Variants in TIAM2 observed in about 807,000 individuals in gnomAD.
TIAM2 encodes TIAM Rac1 associated GEF 2.
Under a neutral mutation model 152.9 loss-of-function variants are expected in TIAM2, and 80 were observed. The ratio of observed to expected loss-of-function variants is 0.52; its 90% CI spans 0.44 to 0.63. The LOEUF is 0.63. Ranked by LOEUF, TIAM2 falls within the 30% of genes least tolerant of loss-of-function variation. The pLI is 0.00. For missense variants in TIAM2, 1,965 were observed against 2,120.1 expected, an observed-to-expected ratio of 0.93 and a Z score of 1.44; for synonymous variants, 804 against 838.0, an observed-to-expected ratio of 0.96 and a Z score of 0.70.
intron 1 of TIAM2, among the ~76,000 whole-genome samples, chr6:155,079,176 G>C (rs571953400): frequency 2.5e-4 from 38 of 151,914 alleles, no homozygotes; most frequent in African/African-American, 8.7e-4. Flanking sequence ...ATTCTCCCAC[G>C]TCAGCCTCCC....
intron 14 of TIAM2, among the ~76,000 whole-genome samples, chr6:155,198,603 G>T (rs1781402443): frequency 7.0e-6 from 1 of 142,286 alleles, no homozygotes; most frequent in Non-Finnish European, 1.5e-5. Flanking sequence ...CAGAGGTTGT[G>T]GTGAGCCGAG....
rs770289853 is a variant in TIAM2 at position 155,254,620 on chromosome 6, C to T, written c.4468+47C>T. The T allele has an allele frequency of 8.1e-6, 13 of 1,595,562 alleles. 1 individual carries two copies. The Admixed American group carries it at 1.2e-4, about 14-fold the overall frequency. Reference sequence around the variant, plus strand: ...TGTTTATTCAACAAAATATTATGAGCTTCTGAAAAGGATATATGCTCTTGT... The same window carrying T: ...TGTTTATTCAACAAAATATTATGAGTTTCTGAAAAGGATATATGCTCTTGT... On this transcript the variant is annotated intron_variant, in intron 26 of 26. Transcript: ENST00000682666.
At chr6:155,091,280 A>T (rs139048055) in intron 2 of TIAM2, among the ~76,000 whole-genome samples, 2,882 of 152,154 alleles carry the variant, frequency 0.019, 139 homozygotes, top group Admixed American at 0.12. Context: ...TTGCATATTT[A>T]TGTATCGGCT....
intron 2 of TIAM2, among the ~76,000 whole-genome samples, chr6:155,099,521 G>T (rs943904807): frequency 2.6e-5 from 4 of 152,106 alleles, no homozygotes; most frequent in African/African-American, 9.7e-5. Context: ...CGTAGCCATT[G>T]AGTAATTAAT....
chr6:155,203,048 C>CAAAAAAAAAAAAAAAAAAAAA (rs59836931), intron 14 of TIAM2, among the ~76,000 whole-genome samples: 10 of 78,920 alleles, frequency 1.3e-4, no homozygotes, highest in African/African-American at 6.1e-4. Context: ...AACTCTGTCT[C>CAAAAAAAAAAAAAAAAAAAAA]AAAAAAAAAA....
intron 2 of TIAM2, among the ~76,000 whole-genome samples, chr6:155,118,635 G>A (rs995034264): frequency 1.3e-4 from 19 of 151,716 alleles, no homozygotes; most frequent in Admixed American, 2.0e-4. Context: ...GGGTTTCACC[G>A]TGTTGGCCAG....
At chr6:155,193,212 C>G (rs1038266661) in intron 14 of TIAM2, among the ~76,000 whole-genome samples, 1 of 151,892 alleles carries the variant, frequency 6.6e-6, no homozygotes, top group African/African-American at 2.4e-5. Flanking sequence ...TGAGACCAGC[C>G]TGGGCAATGT....
intron 7 of TIAM2, among the ~76,000 whole-genome samples, chr6:155,154,487 C>A (rs1780057678): frequency 6.6e-6 from 1 of 151,394 alleles, no homozygotes. Context: ...TTGAGCATGT[C>A]CAATGTGGAC....
chr6:155,179,265 T>TATA, intron 11 of TIAM2, 113 bp from the exon 12 acceptor site: 2 of 1,422,228 alleles, frequency 1.4e-6, no homozygotes, highest in Non-Finnish European at 2.0e-6. Flanking sequence ...AAACAGTCTC[T>TATA]ATATAAACGG....
chr6:155,179,980 G>A (rs756928165), intron 12 of TIAM2, among the ~76,000 whole-genome samples: 6 of 152,090 alleles, frequency 3.9e-5, no homozygotes, highest in Non-Finnish European at 8.8e-5. Context: ...TCTTCCCTGA[G>A]TTTAACAGTT....
intron 15 of TIAM2, among the ~76,000 whole-genome samples, chr6:155,231,971 C>T (rs926819362): frequency 2.6e-5 from 4 of 152,148 alleles, no homozygotes; most frequent in Admixed American, 1.3e-4. Flanking sequence ...ATCCCAGCTA[C>T]GTGGGAGGCT....
chr6:155,115,435 G>A (rs1489571418), intron 2 of TIAM2, among the ~76,000 whole-genome samples: 4 of 151,820 alleles, frequency 2.6e-5, no homozygotes, highest in African/African-American at 9.7e-5. Flanking sequence ...AACTCCTTGA[G>A]CCCAGGAGTT....
intron 1 of TIAM2, among the ~76,000 whole-genome samples, chr6:155,028,341 ACTGTGT>A (rs1776676607): frequency 7.9e-6 from 1 of 126,698 alleles, no homozygotes; most frequent in East Asian, 2.1e-4. Context: ...TATAATATAT[ACTGTGT>A]TACATATATA....
At chr6:155,148,380 T>A in intron 7 of TIAM2, 46 bp downstream of exon 7, 1 of 1,545,966 alleles carries the variant, frequency 6.5e-7, no homozygotes, top group Non-Finnish European at 8.8e-7. Context: ...CTCATGTCAC[T>A]TGTGCAGTGA....
chr6:155,014,072 C>A (rs1778534159), intron 1 of TIAM2: 1 of 152,064 alleles, frequency 6.6e-6, no homozygotes, highest in Non-Finnish European at 1.5e-5. Flanking sequence ...TTGTTATTTT[C>A]TTTGCTTTCA....
intron 9 of TIAM2, among the ~76,000 whole-genome samples, chr6:155,168,049 G>GA (rs1780489208): frequency 6.6e-6 from 1 of 152,092 alleles, no homozygotes; most frequent in South Asian, 2.1e-4. Context: ...AAAAAGATAT[G>GA]AAACTAATTA....
intron 1 of TIAM2, among the ~76,000 whole-genome samples, chr6:155,087,221 T>G (rs1778190154): frequency 6.6e-6 from 1 of 152,218 alleles, no homozygotes; most frequent in Non-Finnish European, 1.5e-5. Context: ...ACATGGTATT[T>G]GGAATGAACA....
intron 2 of TIAM2, among the ~76,000 whole-genome samples, chr6:155,094,724 G>GTTTTTTTTT (rs200208029): frequency 1.5e-5 from 2 of 136,182 alleles, no homozygotes; most frequent in African/African-American, 5.4e-5. Context: ...TATATCTATG[G>GTTTTTTTTT]TTTTTTTTTT....
chr6:155,137,009 A>C (rs1779569899), intron 4 of TIAM2, among the ~76,000 whole-genome samples, 168 bp from the exon 5 acceptor site: 1 of 152,218 alleles, frequency 6.6e-6, no homozygotes, highest in South Asian at 2.1e-4. Context: ...TATTTTTAAA[A>C]TTCTTTCTGG....
Sources: allele counts gnomAD v4.1 joint callset (sites outside exome capture counted in the v4.1 genomes callset), GRCh38; gene constraint gnomAD v4.1.1; transcripts MANE v1.5; gene names NCBI Gene and HGNC (gene_info 2026-07-23, HGNC 2026-07-21).